The following EIPR1 variants were observed in gnomAD, a reference collection of about 807,000 sequenced individuals.
EIPR1 encodes the protein EARP complex and GARP complex interacting protein 1, also known as EARP and GARP complex-interacting protein 1.
In EIPR1, 25 loss-of-function variants were observed where a neutral mutation model predicts 48.1. That is an observed-to-expected ratio of 0.52 (90% CI 0.38 to 0.73). The LOEUF is 0.73. EIPR1 is among the 30% of genes least tolerant of loss of function. The pLI is 0.00. For missense variants in EIPR1, 415 were observed against 506.2 expected (o/e 0.82, Z 1.73); for synonymous variants, 204 against 201.9 (o/e 1.01, Z -0.09).
Position 3,199,911 on chromosome 2 carries a change from C to G in EIPR1, c.517-2894G>C, listed in dbSNP as rs1217402933. Among the ~76,000 whole-genome samples, 10 of 73,892 alleles carry G rather than the reference C, an allele frequency of 1.4e-4. No homozygotes were observed. The Admixed American group carries it at 2.1e-3, about 16-fold the overall frequency. 48.5% of individuals were successfully genotyped at this position (73,892 alleles called of 152,430 possible). ...GCAGGCATGGGGGGTGTGTCTGCATCTGGGCACACATGGGGGGGTGTCCAC... is the reference window on the plus strand; with the variant it reads ...GCAGGCATGGGGGGTGTGTCTGCATGTGGGCACACATGGGGGGGTGTCCAC... On this transcript the variant is annotated intron_variant, in intron 5 of 8. Coordinates refer to ENST00000382125, the MANE Select transcript of EIPR1 (RefSeq NM_003310.5).
chr2:3,370,970 G>C (rs1351512758), intron 1 of EIPR1, among the ~76,000 whole-genome samples: 4 of 152,210 alleles, frequency 2.6e-5, no homozygotes. Flanking sequence ...AGGAAAAAAT[G>C]TTAAGCGCAG....
intron 4 of EIPR1, among the ~76,000 whole-genome samples, chr2:3,253,931 A>G (rs1667077604): frequency 6.6e-6 from 1 of 152,086 alleles, no homozygotes; most frequent in African/African-American, 2.4e-5. Flanking sequence ...GTCTGCAGGG[A>G]GCACCCATGG....
intron 3 of EIPR1, among the ~76,000 whole-genome samples, chr2:3,294,164 G>C (rs1270991585): frequency 6.6e-6 from 1 of 152,114 alleles, no homozygotes; most frequent in Non-Finnish European, 1.5e-5. Flanking sequence ...TCCCACAGGA[G>C]GAATAATTAT....
intron 4 of EIPR1, among the ~76,000 whole-genome samples, chr2:3,244,070 A>G (rs969291044): frequency 6.6e-6 from 1 of 152,208 alleles, no homozygotes; most frequent in Non-Finnish European, 1.5e-5. Flanking sequence ...GGGCTCCCTC[A>G]CTGCAGAGCT....
intron 6 of EIPR1, 33 bp downstream of exon 6, chr2:3,196,848 G>A: frequency 6.2e-7 from 1 of 1,609,908 alleles, no homozygotes; most frequent in Non-Finnish European, 8.5e-7. Flanking sequence ...GGGAGGAAAG[G>A]AAGTGGGGCC....
intron 1 of EIPR1, among the ~76,000 whole-genome samples, chr2:3,376,676 G>A (rs1382024840): frequency 7.5e-6 from 1 of 133,652 alleles, no homozygotes; most frequent in African/African-American, 2.8e-5. Context: ...GGGCAACGGA[G>A]CAAGACTCCA....
intron 2 of EIPR1, among the ~76,000 whole-genome samples, chr2:3,341,621 G>A (rs898100611): frequency 9.9e-5 from 15 of 151,948 alleles, no homozygotes; most frequent in African/African-American, 3.6e-4. Context: ...GTGGGTACAT[G>A]GCTATGGTGG....
chr2:3,309,432 C>T (rs1300755251), intron 3 of EIPR1, among the ~76,000 whole-genome samples: 1 of 152,092 alleles, frequency 6.6e-6, no homozygotes. Context: ...AGAAACAGAA[C>T]GATGAGAAAC....
At chr2:3,310,320 G>GA (rs1558289571) in intron 3 of EIPR1, among the ~76,000 whole-genome samples, 1 of 152,108 alleles carries the variant, frequency 6.6e-6, no homozygotes, top group African/African-American at 2.4e-5. Flanking sequence ...TTTTCTTAGG[G>GA]AGAGAAGAAA....
At chr2:3,211,050 T>A (rs546455851) in intron 5 of EIPR1, among the ~76,000 whole-genome samples, 1 of 152,322 alleles carries the variant, frequency 6.6e-6, no homozygotes, top group Admixed American at 6.5e-5. Flanking sequence ...TGAAATCATC[T>A]GTACACCAAA....
rs76434269 is a variant in EIPR1, at chr2:3,209,891, G to A, written c.516+4258C>T. On this transcript the variant is annotated intron_variant, in intron 5 of 8. Transcript: ENST00000382125. ...GAGAGAGCATGAGGAAAGAATCATCGTTGGGGCACAGAGTATTTTTAGGGC... is the reference window on the plus strand; with the variant it reads ...GAGAGAGCATGAGGAAAGAATCATCATTGGGGCACAGAGTATTTTTAGGGC... Among the ~76,000 whole-genome samples the A allele has an allele frequency of 7.4e-4, 113 of 152,258 alleles. 1 individual carries two copies. The highest frequency in any genetic ancestry group is 2.4e-3 in the African/African-American group (98 of 41,550).
At chr2:3,253,234 C>T (rs1667055077) in intron 4 of EIPR1, among the ~76,000 whole-genome samples, 1 of 152,286 alleles carries the variant, frequency 6.6e-6, no homozygotes, top group South Asian at 2.1e-4. Flanking sequence ...AATTTACCTA[C>T]AGTCTGGAAG....
intron 4 of EIPR1, among the ~76,000 whole-genome samples, chr2:3,251,853 C>T (rs1290860504): frequency 6.6e-6 from 1 of 152,194 alleles, no homozygotes; most frequent in Non-Finnish European, 1.5e-5. Flanking sequence ...CTGTGAGGAA[C>T]ACAAATGGCT....
intron 5 of EIPR1, among the ~76,000 whole-genome samples, chr2:3,197,477 C>T (rs1181085744): frequency 6.6e-6 from 1 of 152,190 alleles, no homozygotes; most frequent in Non-Finnish European, 1.5e-5. Flanking sequence ...GAGGCCCACA[C>T]GGCCTTCGCC....
At chr2:3,284,953 AAAG>A (rs1243740364) in intron 3 of EIPR1, among the ~76,000 whole-genome samples, 1 of 152,202 alleles carries the variant, frequency 6.6e-6, no homozygotes, top group African/African-American at 2.4e-5. Flanking sequence ...TCTCCCCAAG[AAAG>A]AAGAACAGAC....
chr2:3,248,443 A>C (rs1163245475), intron 4 of EIPR1, among the ~76,000 whole-genome samples: 2 of 152,156 alleles, frequency 1.3e-5, no homozygotes. Flanking sequence ...AAAGTACAAA[A>C]ATTAGCCAGG....
At position 3,247,487 on chromosome 2, in the gene EIPR1, G is replaced by A. The variant is rs116435822; in HGVS notation, c.416+9812C>T. On this transcript the variant is annotated intron_variant, in intron 4 of 8. Coordinates refer to ENST00000382125, the MANE Select transcript of EIPR1 (RefSeq NM_003310.5). ...CCACATCCCAACTTCACAGCAAGCCGACACAAGAGAACAGTACTTGCAGAA... is the reference window on the plus strand; with the variant it reads ...CCACATCCCAACTTCACAGCAAGCCAACACAAGAGAACAGTACTTGCAGAA... 7.2e-3 allele frequency among the ~76,000 whole-genome samples: 1,100 copies of A among 152,266 alleles called. 14 individuals are homozygous for A. Among genetic ancestry groups the A allele is most frequent in the African/African-American group, 0.025 (1,058 of 41,560 alleles).
chr2:3,334,451 C>T (rs1669984612), intron 3 of EIPR1, among the ~76,000 whole-genome samples: 1 of 152,224 alleles, frequency 6.6e-6, no homozygotes, highest in Non-Finnish European at 1.5e-5. Context: ...GAATGTTTTC[C>T]CTGCCCTGCG....
chr2:3,219,093 C>T (rs907207301), intron 4 of EIPR1, among the ~76,000 whole-genome samples: 1 of 149,848 alleles, frequency 6.7e-6, no homozygotes, highest in African/African-American at 2.5e-5. Flanking sequence ...AGAGCATTCA[C>T]AGTGACTCAG....
Sources: gnomAD v4.1 joint callset for allele counts (sites outside exome capture counted in the v4.1 genomes callset) on GRCh38, gnomAD v4.1.1 for gene constraint, MANE v1.5 for transcripts, NCBI Gene and HGNC (gene_info 2026-07-23, HGNC 2026-07-21) for gene names.